Variants in ATXN2 observed in about 807,000 individuals in gnomAD.
ATXN2 encodes the protein ataxin-2.
Under a neutral mutation model 138.6 loss-of-function variants are expected in ATXN2, and 37 were observed. The observed-to-expected ratio is 0.27, with a 90% confidence interval of 0.21 to 0.35. ATXN2 has a LOEUF of 0.35. ATXN2 is among the 10% of genes least tolerant of loss of function. The pLI, the probability that ATXN2 is intolerant of heterozygous loss-of-function variation, is 1.00. For synonymous variants in ATXN2, 549 were observed against 543.7 expected (o/e 1.01, Z -0.13); for missense variants, 1,216 against 1,480.3 (o/e 0.82, Z 2.93).
chr12:111,599,384 C>T (rs1566092029), upstream of ATXN2: 2 of 1,161,718 alleles, frequency 1.7e-6, no homozygotes, highest in Non-Finnish European at 2.1e-6. Flanking sequence ...CGGGGCCGCG[C>T]CACCGCCGCC....
chr12:111,490,609 T>C (rs1877958956), intron 14 of ATXN2, among the ~76,000 whole-genome samples: 1 of 152,066 alleles, frequency 6.6e-6, no homozygotes, highest in Non-Finnish European at 1.5e-5. Flanking sequence ...GAGCACCAAA[T>C]TGAACAACTA....
chr12:111,561,209 C>T (rs1293605688), intron 1 of ATXN2, among the ~76,000 whole-genome samples: 1 of 151,126 alleles, frequency 6.6e-6, no homozygotes, highest in Non-Finnish European at 1.5e-5. Flanking sequence ...AATGAACAGT[C>T]TCTGGCCGGG....
intron 18 of ATXN2, among the ~76,000 whole-genome samples, chr12:111,482,387 G>A (rs1378854723): frequency 3.3e-5 from 5 of 151,704 alleles, no homozygotes; most frequent in Non-Finnish European, 5.9e-5. Context: ...GTAGAGACAC[G>A]GTTTCACTGT....
chr12:111,521,671 C>A (rs1258782443), intron 6 of ATXN2, among the ~76,000 whole-genome samples: 1 of 152,132 alleles, frequency 6.6e-6, no homozygotes, highest in East Asian at 1.9e-4. Context: ...GATCTCAATA[C>A]CCTAACCTAT....
intron 10 of ATXN2, among the ~76,000 whole-genome samples, chr12:111,513,825 T>C (rs1270890524): frequency 6.6e-6 from 1 of 152,086 alleles, no homozygotes; most frequent in Non-Finnish European, 1.5e-5. Flanking sequence ...AAATCAACAA[T>C]AAGATGTCAA....
At chr12:111,517,947 T>C (rs922965237) in intron 9 of ATXN2, among the ~76,000 whole-genome samples, 4 of 152,202 alleles carry the variant, frequency 2.6e-5, no homozygotes, top group African/African-American at 9.6e-5. Flanking sequence ...ACCCAAAGTT[T>C]CCAATTTCTT....
chr12:111,518,561 C>T lies in ATXN2; in HGVS notation c.987-134G>A, dbSNP rs1879981672. On this transcript the variant is annotated intron_variant, in intron 8 of 24. Transcript: ENST00000673436. ...TACACTAAACCAAACTGCCTCACTC[C>T]CAGATGCCCCTGTTCTTCCATCTTA... 10 of 842,406 alleles carry T rather than the reference C, an allele frequency of 1.2e-5. No individual in the cohort carries two copies. The South Asian group carries it at 2.2e-4, about 19-fold the overall frequency. The allele number at this position is 842,406 out of a possible 1,614,324, so 52.2% of individuals were successfully genotyped here. A position where few individuals can be genotyped will look rare whatever the true frequency, so the allele number is the denominator to read the frequency against.
At chr12:111,531,095 G>A (rs564056909) in intron 5 of ATXN2, among the ~76,000 whole-genome samples, 4 of 151,766 alleles carry the variant, frequency 2.6e-5, no homozygotes, top group Non-Finnish European at 5.9e-5. Flanking sequence ...TCCAGCCTGG[G>A]TAACAAGAGC....
chr12:111,580,329 T>G (rs1279382110), intron 1 of ATXN2, among the ~76,000 whole-genome samples: 2 of 151,090 alleles, frequency 1.3e-5, no homozygotes, highest in African/African-American at 4.9e-5. Context: ...AAATTAAAAA[T>G]AAGAAAAGTA....
chr12:111,468,728 TCTCA>T (rs1379520226), intron 20 of ATXN2: 5 of 128,374 alleles, frequency 3.9e-5, no homozygotes, highest in Non-Finnish European at 4.6e-5. Context: ...GGAGATGGAG[TCTCA>T]CTCTGTCGCT....
At chr12:111,505,432 C>T (rs1294583719) in intron 14 of ATXN2, among the ~76,000 whole-genome samples, 1 of 152,106 alleles carries the variant, frequency 6.6e-6, no homozygotes, top group Non-Finnish European at 1.5e-5. Flanking sequence ...CAGGAGAAAA[C>T]ATTTGCAAAC....
chr12:111,556,626 G>A (rs1251125250), intron 1 of ATXN2, among the ~76,000 whole-genome samples: 7 of 151,886 alleles, frequency 4.6e-5, no homozygotes, highest in Admixed American at 4.6e-4. Flanking sequence ...GACCATCCTG[G>A]CTAACACAGT....
chr12:111,510,516 G>C lies in ATXN2; in HGVS notation c.1625C>G (p.Pro542Arg), dbSNP rs149774930. ...SPRQNSIGNTPSGPVLASPQA... is the reference protein window; with the variant it reads ...SPRQNSIGNTRSGPVLASPQA... ...GGGAGAAGCAAGAACTGGCCCACTG[G>C]GGGTATTTCCAATACTGTTCTGTCT... is the stretch of plus-strand genomic sequence containing the variant. The change falls in exon 12 of 25, where the codon CCC becomes CGC. Residue 542 changes from proline to arginine, a missense_variant. Pro to Arg is a moderately radical substitution (Grantham distance 103). This residue lies in a region of ATXN2 where 215 missense variants were observed against 210.0 expected (regional missense o/e 1.02). Transcript: ENST00000673436. The C allele has an allele frequency of 1.4e-5, 23 of 1,613,904 alleles. No individual in the cohort carries two copies. Among genetic ancestry groups the C allele is most frequent in the South Asian group, 7.7e-5 (7 of 91,076 alleles).
At chr12:111,592,094 C>T (rs1019955223) in intron 1 of ATXN2, among the ~76,000 whole-genome samples, 1 of 138,144 alleles carries the variant, frequency 7.2e-6, no homozygotes. Flanking sequence ...AAAAAAAACA[C>T]CTTAGCTCAT....
At chr12:111,486,629 T>G (rs1325111625) in intron 16 of ATXN2, 132 bp downstream of exon 16, 3 of 674,632 alleles carry the variant, frequency 4.4e-6, no homozygotes, top group Non-Finnish European at 7.6e-6. Context: ...TTAATGGCCA[T>G]GTAAAAAAAA....
In ATXN2 at chr12:111,552,270, C is replaced by G. The variant is rs1415430095; in HGVS notation, c.571+10G>C. ...AAACCATGAGGCATATTTAGGAAAT[C>G]AAAACCCACCTCTTTTTGCATAACT... On this transcript the variant is annotated intron_variant, in intron 5 of 24. Coordinates refer to ENST00000673436, the MANE Select transcript of ATXN2 (RefSeq NM_001372574.1). The surrounding 1 kb of genome is among the most constrained non-coding windows in gnomAD (Gnocchi z 4.1). 1.3e-6 allele frequency: 2 copies of G among 1,581,122 alleles called. No homozygotes were observed. Among genetic ancestry groups the G allele is most frequent in the Non-Finnish European group, 8.6e-7 (1 of 1,168,400 alleles).
At chr12:111,534,703 C>T (rs896204350) in intron 5 of ATXN2, among the ~76,000 whole-genome samples, 1 of 152,074 alleles carries the variant, frequency 6.6e-6, no homozygotes. Context: ...TCAGGACACC[C>T]CAGAAGGCAA....
Position 111,516,794 on chromosome 12 carries a change from C to T in ATXN2, c.1166-431G>A, listed in dbSNP as rs75202985. ...TATTAGTTTTAACTCTGAGGCATAA[C>T]GAAAATAAGCAGTAGCTATTATATC... On this transcript the variant is annotated intron_variant, in intron 9 of 24. Transcript: ENST00000673436. This position sits in a 1 kb window ranked among gnomAD's most constrained non-coding sequence, Gnocchi z 5.0. 6.8e-4 allele frequency among the ~76,000 whole-genome samples: 104 copies of T among 152,164 alleles called. 1 individual carries two copies. The highest frequency in any genetic ancestry group is 2.2e-3 in the African/African-American group (93 of 41,528).
intron 18 of ATXN2, among the ~76,000 whole-genome samples, chr12:111,482,117 C>T (rs61532454): frequency 1.3e-5 from 2 of 150,886 alleles, no homozygotes; most frequent in African/African-American, 4.9e-5. Context: ...TTTGGGAGGC[C>T]GAGGGAGGTG....
Sources: allele counts gnomAD v4.1 joint callset (sites outside exome capture counted in the v4.1 genomes callset), GRCh38; gene constraint gnomAD v4.1.1; regional missense constraint gnomAD v4.1.1; non-coding constraint Gnocchi (gnomAD v3.1); transcripts MANE v1.5; gene names NCBI Gene and HGNC (gene_info 2026-07-23, HGNC 2026-07-21).